Variants in SARDH observed in about 807,000 individuals in gnomAD.
SARDH encodes sarcosine dehydrogenase, mitochondrial.
A neutral mutation model predicts 109.1 loss-of-function variants in SARDH; 95 were observed. That is an observed-to-expected ratio of 0.87 (90% confidence interval 0.74 to 1.03). The LOEUF (loss-of-function observed/expected upper bound fraction) is 1.03. Ranked by LOEUF, SARDH falls within the 50% of genes least tolerant of loss-of-function variation. The probability of loss-of-function intolerance (pLI) is 0.00; values close to 1 mark genes in which losing one functional copy is unlikely to be tolerated. For missense variants in SARDH, 1,267 were observed against 1,287.8 expected (o/e 0.98, Z 0.25); for synonymous variants, 572 against 534.8 (o/e 1.07, Z -0.96).
At chr9:133,677,385 C>T (rs1830552939) in intron 17 of SARDH, among the ~76,000 whole-genome samples, 1 of 152,162 alleles carries the variant, frequency 6.6e-6, no homozygotes, top group South Asian at 2.1e-4. Flanking sequence ...CACCTTCAAT[C>T]CTGGGCCCCT....
chr9:133,720,302 G>GC (rs1832280483), intron 6 of SARDH, among the ~76,000 whole-genome samples: 1 of 152,036 alleles, frequency 6.6e-6, no homozygotes, highest in East Asian at 1.9e-4. Context: ...GTGGTGGGCA[G>GC]CTGTAATCCC....
At chr9:133,694,010 G>A (rs948966717) in intron 15 of SARDH, among the ~76,000 whole-genome samples, 3 of 152,216 alleles carry the variant, frequency 2.0e-5, no homozygotes, top group Admixed American at 6.5e-5. Context: ...ACTCCGAACC[G>A]CAACAGCGTG....
In SARDH at chr9:133,704,306, C is replaced by T. The variant is rs2502745; in HGVS notation, c.1554+642G>A. 2.0e-5 allele frequency among the ~76,000 whole-genome samples: 3 copies of T among 151,932 alleles called. No individual in the cohort carries two copies. Among genetic ancestry groups the T allele is most frequent in the Non-Finnish European group, 4.4e-5 (3 of 67,946 alleles). ...AGACGCAGCCCCGGGAAGGGGATTTCGATTTCTGTAAATCTGGATCAAATG... is the reference window on the plus strand; with the variant it reads ...AGACGCAGCCCCGGGAAGGGGATTTTGATTTCTGTAAATCTGGATCAAATG... On this transcript the variant is annotated intron_variant, in intron 12 of 20. Coordinates refer to ENST00000439388, the MANE Select transcript of SARDH (RefSeq NM_001134707.2). The surrounding 1 kb of genome is among the most constrained non-coding windows in gnomAD (Gnocchi z 4.5).
rs558115454 is a variant in SARDH at position 133,721,374 on chromosome 9, G to A, written c.916-2332C>T. Among the ~76,000 whole-genome samples the A allele has an allele frequency of 6.6e-5, 10 of 152,314 alleles. No individual in the cohort carries two copies. The East Asian group carries it at 1.2e-3, about 18-fold the overall frequency. On this transcript the variant is annotated intron_variant, in intron 6 of 20. Coordinates refer to ENST00000439388, the MANE Select transcript of SARDH (RefSeq NM_001134707.2). ...TCTAGATCCTGTCAAGCCATCAATC[G>A]AGTGTAAGCAAAGAATAAAAGCTTT...
chr9:133,731,530 C>T, intron 3 of SARDH, 46 bp from the exon 4 acceptor site: 1 of 1,586,248 alleles, frequency 6.3e-7, no homozygotes, highest in Non-Finnish European at 8.6e-7. Flanking sequence ...GGGAGCAGAC[C>T]CCTGGGCCAC....
intron 17 of SARDH, among the ~76,000 whole-genome samples, chr9:133,680,251 A>G (rs1830650904): frequency 1.3e-5 from 2 of 152,226 alleles, no homozygotes; most frequent in African/African-American, 2.4e-5. Flanking sequence ...AGGACCGGGC[A>G]GGATGGGAAG....
In SARDH at chr9:133,729,436, G is replaced by A. The variant is rs539142721; in HGVS notation, c.915+329C>T. Among the ~76,000 whole-genome samples the A allele has an allele frequency of 5.9e-5, 9 of 152,246 alleles. No homozygotes were observed. In the South Asian group the frequency reaches 8.3e-4, roughly 14 times the overall value. On this transcript the variant is annotated intron_variant, in intron 6 of 20. Coordinates refer to ENST00000439388, the MANE Select transcript of SARDH (RefSeq NM_001134707.2). ...GCATGCAAACATTCGGGTCTTCCCC[G>A]AAACTCCTGGGCACAGAACATGGCA...
intron 17 of SARDH, among the ~76,000 whole-genome samples, chr9:133,683,972 C>T (rs1358838661): frequency 6.6e-6 from 1 of 152,204 alleles, no homozygotes; most frequent in African/African-American, 2.4e-5. Context: ...GCCGGGCGGC[C>T]CTGAGCAGCC....
chr9:133,698,029 A>T (rs927143787), intron 13 of SARDH, among the ~76,000 whole-genome samples: 9 of 151,326 alleles, frequency 5.9e-5, no homozygotes, highest in African/African-American at 2.2e-4. Flanking sequence ...AAAGAAAAAA[A>T]AGAAAAAAAA....
chr9:133,724,083 A>G (rs1247120281), intron 6 of SARDH, among the ~76,000 whole-genome samples: 1 of 152,190 alleles, frequency 6.6e-6, no homozygotes, highest in African/African-American at 2.4e-5. Context: ...ACAAAAGAGG[A>G]AAAAAAGAGA....
At chr9:133,721,066 C>T (rs929171856) in intron 6 of SARDH, among the ~76,000 whole-genome samples, 5 of 152,132 alleles carry the variant, frequency 3.3e-5, no homozygotes, top group Non-Finnish European at 7.3e-5. Context: ...CATTTTACAG[C>T]GGTTCCAGAA....
At chr9:133,670,488 G>C (rs1432412195) in intron 19 of SARDH, 96 bp downstream of exon 19, 1 of 1,319,382 alleles carries the variant, frequency 7.6e-7, no homozygotes, top group Non-Finnish European at 1.0e-6. Context: ...GGGAAGTGTT[G>C]GTACCAGGGG....
intron 11 of SARDH, among the ~76,000 whole-genome samples, chr9:133,706,050 T>C (rs964689052): frequency 6.6e-6 from 1 of 152,238 alleles, no homozygotes; most frequent in African/African-American, 2.4e-5. Flanking sequence ...ACTTGTGGCC[T>C]TTTGCTGTGG....
intron 17 of SARDH, among the ~76,000 whole-genome samples, chr9:133,682,155 T>G (rs1830719014): frequency 6.6e-6 from 1 of 151,964 alleles, no homozygotes; most frequent in Admixed American, 6.6e-5. Flanking sequence ...TCAAGGGAAG[T>G]TCCTCCCGGG....
chr9:133,713,008 G>T, intron 9 of SARDH, 30 bp downstream of exon 9: 1 of 1,590,954 alleles, frequency 6.3e-7, no homozygotes, highest in South Asian at 1.1e-5. Flanking sequence ...CTCCCTCTTG[G>T]GGGCCAGGAG....
Position 133,704,828 on chromosome 9 carries a change from G to A in SARDH, c.1554+120C>T, listed in dbSNP as rs933159803. On this transcript the variant is annotated intron_variant, in intron 12 of 20. Coordinates refer to ENST00000439388, the MANE Select transcript of SARDH (RefSeq NM_001134707.2). This position sits in a 1 kb window ranked among gnomAD's most constrained non-coding sequence, Gnocchi z 4.5. Reference sequence around the variant, plus strand: ...TCCCGTGTGCAGAATAACTGATCACGACAGTGGAACCACCTGGGGAGGCGG... The same window carrying A: ...TCCCGTGTGCAGAATAACTGATCACAACAGTGGAACCACCTGGGGAGGCGG... The A allele has an allele frequency of 1.6e-5, 13 of 823,834 alleles. No homozygotes were observed. Among genetic ancestry groups the A allele is most frequent in the Middle Eastern group, 3.4e-4 (1 of 2,918 alleles). 51.0% of individuals were successfully genotyped at this position (823,834 alleles called of 1,614,324 possible).
chr9:133,724,749 T>C (rs1832433746), intron 6 of SARDH, among the ~76,000 whole-genome samples: 1 of 152,100 alleles, frequency 6.6e-6, no homozygotes, highest in Non-Finnish European at 1.5e-5. Flanking sequence ...GATGTTTGCA[T>C]TATACTTACC....
chr9:133,678,280 C>T (rs1830584262), intron 17 of SARDH, among the ~76,000 whole-genome samples: 1 of 152,134 alleles, frequency 6.6e-6, no homozygotes, highest in South Asian at 2.1e-4. Flanking sequence ...AGACCATGAT[C>T]CCCCAAGCAG....
At chr9:133,738,392 T>A (rs1832954821), upstream of SARDH, 1 of 148,016 alleles carries the variant, frequency 6.8e-6, no homozygotes, top group Non-Finnish European at 1.5e-5. Flanking sequence ...CAGCCCCATG[T>A]CTCCGCCCAG....
Sources: allele counts gnomAD v4.1 joint callset (sites outside exome capture counted in the v4.1 genomes callset), GRCh38; gene constraint gnomAD v4.1.1; non-coding constraint Gnocchi (gnomAD v3.1); transcripts MANE v1.5; gene names NCBI Gene and HGNC (gene_info 2026-07-23, HGNC 2026-07-21).